The following FUT8 variants were observed in gnomAD, a reference collection of about 807,000 sequenced individuals.
The protein encoded by FUT8 is fucosyltransferase 8.
Under a neutral mutation model 71.3 loss-of-function variants are expected in FUT8, and 29 were observed. The ratio of observed to expected loss-of-function variants is 0.41; its 90% CI spans 0.30 to 0.55. The LOEUF is 0.55. FUT8 is among the 20% of genes least tolerant of loss of function. The pLI is 0.34. For synonymous variants in FUT8, 254 were observed against 239.3 expected (o/e 1.06, Z -0.57); for missense variants, 544 against 702.1 (o/e 0.77, Z 2.55).
chr14:65,446,861 G>A (rs2065750207), intron 1 of FUT8, among the ~76,000 whole-genome samples: 1 of 151,198 alleles, frequency 6.6e-6, no homozygotes, highest in Admixed American at 6.6e-5. Flanking sequence ...TTCAGGCAGA[G>A]TTTTGCTATG....
At chr14:65,549,533 C>CT (rs1247874330) in intron 2 of FUT8, among the ~76,000 whole-genome samples, 1 of 152,088 alleles carries the variant, frequency 6.6e-6, no homozygotes. Context: ...ATGTACATTA[C>CT]TTCAAATTTG....
chr14:65,678,410 C>A (rs1296233769), intron 7 of FUT8, among the ~76,000 whole-genome samples: 1 of 152,182 alleles, frequency 6.6e-6, no homozygotes, highest in Non-Finnish European at 1.5e-5. Context: ...CAAAAATATG[C>A]TCCTAATCAA....
chr14:65,737,396 A>G (rs1473236925), intron 10 of FUT8, among the ~76,000 whole-genome samples: 1 of 152,124 alleles, frequency 6.6e-6, no homozygotes, highest in East Asian at 1.9e-4. Context: ...TGAATTTTGA[A>G]AGCTATGCAA....
At chr14:65,575,740 T>C (rs922722502) in intron 3 of FUT8, among the ~76,000 whole-genome samples, 10 of 151,938 alleles carry the variant, frequency 6.6e-5, no homozygotes, top group African/African-American at 2.4e-4. Context: ...CACCTCGGCC[T>C]CCCGAGTAGC....
chr14:65,360,983 G>A, the FUT8 span, among the ~76,000 whole-genome samples: 1 of 152,172 alleles, frequency 6.6e-6, no homozygotes, highest in Admixed American at 6.5e-5. Context: ...TAAGTCATCA[G>A]GTATGATGAA....
At chr14:65,697,889 CA>C (rs1894075391) in intron 7 of FUT8, among the ~76,000 whole-genome samples, 1 of 151,940 alleles carries the variant, frequency 6.6e-6, no homozygotes, top group Non-Finnish European at 1.5e-5. Flanking sequence ...GCAGGAGAAT[CA>C]CTTGAACCCA....
intron 4 of FUT8, 21 bp from the exon 5 acceptor site, chr14:65,616,190 C>T: frequency 6.3e-7 from 1 of 1,599,552 alleles, no homozygotes; most frequent in Middle Eastern, 1.7e-4. Context: ...AATGCTACAA[C>T]TCTCTATTCT....
At chr14:65,621,625 G>C (rs1214374979) in intron 5 of FUT8, among the ~76,000 whole-genome samples, 2 of 151,888 alleles carry the variant, frequency 1.3e-5, no homozygotes, top group East Asian at 3.9e-4. Flanking sequence ...GCAATGGCAC[G>C]ATCTCAGCTC....
intron 9 of FUT8, among the ~76,000 whole-genome samples, chr14:65,726,661 A>G (rs1012685203): frequency 6.6e-6 from 1 of 152,164 alleles, no homozygotes. Flanking sequence ...CAGCCAAACC[A>G]TATCATTCCA....
the FUT8 span, among the ~76,000 whole-genome samples, chr14:65,380,703 C>T: frequency 6.6e-6 from 1 of 152,212 alleles, no homozygotes; most frequent in African/African-American, 2.4e-5. Context: ...GGTCATGTTT[C>T]TTGCCTTTTC....
chr14:65,583,979 A>G (rs1887230010), intron 3 of FUT8, among the ~76,000 whole-genome samples: 1 of 152,156 alleles, frequency 6.6e-6, no homozygotes, highest in Admixed American at 6.5e-5. Flanking sequence ...TCTCCGGTTC[A>G]CACCATTCTC....
chr14:65,558,494 C>G (rs1490163092), intron 2 of FUT8, among the ~76,000 whole-genome samples: 4 of 152,032 alleles, frequency 2.6e-5, no homozygotes, highest in African/African-American at 9.7e-5. Context: ...TCTGCATTAC[C>G]ATTTGCTGTC....
At chr14:65,576,927 T>C (rs1035372874) in intron 3 of FUT8, among the ~76,000 whole-genome samples, 4 of 151,690 alleles carry the variant, frequency 2.6e-5, no homozygotes, top group African/African-American at 9.7e-5. Flanking sequence ...TACCGTGTTA[T>C]CTCCTGACCT....
At chr14:65,723,152 T>TAAA (rs56003211) in intron 8 of FUT8, among the ~76,000 whole-genome samples, 2 of 123,736 alleles carry the variant, frequency 1.6e-5, no homozygotes, top group African/African-American at 3.0e-5. Flanking sequence ...CCCCATCAAT[T>TAAA]AAAAAAAAAA....
intron 1 of FUT8, among the ~76,000 whole-genome samples, chr14:65,431,661 CTTT>C (rs11321643): frequency 4.5e-4 from 64 of 143,722 alleles, no homozygotes; most frequent in Admixed American, 9.0e-4. Context: ...TGTAGGTTCA[CTTT>C]TTTTTTTTTT....
chr14:65,690,850 C>T (rs1594900260), intron 7 of FUT8, among the ~76,000 whole-genome samples: 4 of 151,986 alleles, frequency 2.6e-5, no homozygotes, highest in Non-Finnish European at 4.4e-5. Flanking sequence ...CTCAGCCTTC[C>T]GAGTAGCTGG....
At chr14:65,521,649 A>G (rs1272606054) in intron 2 of FUT8, among the ~76,000 whole-genome samples, 1 of 152,234 alleles carries the variant, frequency 6.6e-6, no homozygotes, top group Non-Finnish European at 1.5e-5. Flanking sequence ...CATATTTAGA[A>G]ACATAAGAAA....
At chr14:65,715,157 G>A (rs1894989835) in intron 7 of FUT8, among the ~76,000 whole-genome samples, 1 of 152,222 alleles carries the variant, frequency 6.6e-6, no homozygotes, top group Non-Finnish European at 1.5e-5. Context: ...TTGTGTTCCA[G>A]ATCTTAGAGA....
intron 7 of FUT8, among the ~76,000 whole-genome samples, chr14:65,694,399 C>CT (rs1893876564): frequency 6.6e-6 from 1 of 151,928 alleles, no homozygotes; most frequent in African/African-American, 2.4e-5. Flanking sequence ...CTTGACATTT[C>CT]TTTGATTCTT....
Sources: allele counts gnomAD v4.1 joint callset (sites outside exome capture counted in the v4.1 genomes callset), GRCh38; gene constraint gnomAD v4.1.1; transcripts MANE v1.5; gene names NCBI Gene and HGNC (gene_info 2026-07-23, HGNC 2026-07-21).